The following DDHD1 variants were observed in gnomAD, a reference collection of about 807,000 sequenced individuals.
DDHD1 encodes the protein DDHD domain containing 1.
In DDHD1, 49 loss-of-function variants were observed where a neutral mutation model predicts 96.4. That is an observed-to-expected ratio of 0.51 (90% CI 0.40 to 0.64). DDHD1 has a LOEUF of 0.64. DDHD1 is among the 30% of genes least tolerant of loss of function. The pLI is 0.00. For missense variants in DDHD1, 1,106 were observed against 1,161.2 expected (o/e 0.95, Z 0.69); for synonymous variants, 442 against 446.5 (o/e 0.99, Z 0.13).
At chr14:53,062,531 G>A (rs975443540) in intron 7 of DDHD1, among the ~76,000 whole-genome samples, 2 of 151,698 alleles carry the variant, frequency 1.3e-5, no homozygotes, top group Non-Finnish European at 2.9e-5. Flanking sequence ...AAATATATTT[G>A]CTTAAAAAAA....
At chr14:53,101,425 T>C (rs1353935778) in intron 2 of DDHD1, among the ~76,000 whole-genome samples, 2 of 152,040 alleles carry the variant, frequency 1.3e-5, no homozygotes, top group Admixed American at 6.6e-5. Context: ...TCTTTGCTAA[T>C]AACAGAACAT....
At chr14:53,127,220 T>C (rs1889520979) in intron 1 of DDHD1, among the ~76,000 whole-genome samples, 1 of 152,170 alleles carries the variant, frequency 6.6e-6, no homozygotes, top group Admixed American at 6.5e-5. Context: ...GGTTACAAAA[T>C]AATCCAGGAT....
In DDHD1 at chr14:53,044,174, G is replaced by A. The variant is rs561112010; in HGVS notation, c.*2594C>T. The A allele has an allele frequency of 2.6e-5, 4 of 152,038 alleles. No individual in the cohort carries two copies. Among genetic ancestry groups the A allele is most frequent in the Non-Finnish European group, 5.9e-5 (4 of 68,002 alleles). The allele number at this position is 152,038 out of a possible 1,614,324, so 9.4% of individuals were successfully genotyped here. On this transcript the variant is annotated 3_prime_UTR_variant, in exon 13 of 13. Transcript: ENST00000673822. ...ATAGAAACAAGGATACTACAAAACC[G>A]AAATCACCATCTCTACTGATGAAAA...
chr14:53,083,975 T>C (rs545542441), intron 4 of DDHD1, among the ~76,000 whole-genome samples: 2 of 152,304 alleles, frequency 1.3e-5, no homozygotes, highest in African/African-American at 4.8e-5. Context: ...TTGATTTTTA[T>C]CTGTGAATCT....
rs545779708 is a variant in DDHD1, at chr14:53,152,640, G to T, written c.459C>A (p.Ala153=). The change falls in exon 1 of 13, where the codon GCC becomes GCA. Residue 153 remains alanine (A), a synonymous_variant. Coordinates refer to ENST00000673822, the MANE Select transcript of DDHD1 (RefSeq NM_001160148.2). ...CCGTCACTACCTCATAGCGGTGCCGGGCCGCCGGGCCGCCAAGCCGGGTAC... is the reference window on the plus strand; with the variant it reads ...CCGTCACTACCTCATAGCGGTGCCGTGCCGCCGGGCCGCCAAGCCGGGTAC... ...RKRTRLGGPA[A]RHRYEVVTEL... is the part of the protein sequence containing the mutation. The T allele has an allele frequency of 1.2e-6, 2 of 1,612,980 alleles. No homozygotes were observed. The highest frequency in any genetic ancestry group is 1.7e-6 in the Non-Finnish European group (2 of 1,179,834).
chr14:53,096,357 T>TAAG (rs1425509556), intron 2 of DDHD1: 1 of 199,820 alleles, frequency 5.0e-6, no homozygotes, highest in African/African-American at 2.4e-5. Flanking sequence ...ATATGATTTC[T>TAAG]AAGAATCAGT....
chr14:53,051,458 C>G (rs1882558004), intron 12 of DDHD1, among the ~76,000 whole-genome samples: 1 of 151,860 alleles, frequency 6.6e-6, no homozygotes, highest in Non-Finnish European at 1.5e-5. Flanking sequence ...CCTGAAATAA[C>G]CAAGAATGAT....
chr14:53,088,433 C>G (rs1886159562), intron 4 of DDHD1, among the ~76,000 whole-genome samples: 1 of 152,134 alleles, frequency 6.6e-6, no homozygotes, highest in Non-Finnish European at 1.5e-5. Flanking sequence ...AAAATACTGG[C>G]AAACCAAATC....
intron 2 of DDHD1, chr14:53,096,191 A>G: frequency 2.0e-6 from 2 of 985,208 alleles, no homozygotes; most frequent in Non-Finnish European, 2.4e-6. Flanking sequence ...CAGAGAAGGG[A>G]GGGAGAAGGG....
intron 6 of DDHD1, among the ~76,000 whole-genome samples, chr14:53,069,764 C>T (rs377365239): frequency 1.4e-4 from 21 of 152,212 alleles, no homozygotes; most frequent in African/African-American, 4.6e-4. Flanking sequence ...CTGCCACCCC[C>T]GCCCTGGGTT....
chr14:53,065,366 A>G (rs1883932601), intron 6 of DDHD1, among the ~76,000 whole-genome samples: 1 of 152,172 alleles, frequency 6.6e-6, no homozygotes, highest in South Asian at 2.1e-4. Flanking sequence ...TAATGTCAAG[A>G]TACAGCTAGG....
intron 11 of DDHD1, chr14:53,053,084 C>T (rs921651059): frequency 3.3e-5 from 5 of 152,034 alleles, no homozygotes; most frequent in Admixed American, 2.6e-4. Context: ...GCTCTTCTTG[C>T]TCCCTCCCTC....
At chr14:53,128,813 T>C (rs1175943967) in intron 1 of DDHD1, among the ~76,000 whole-genome samples, 7 of 152,214 alleles carry the variant, frequency 4.6e-5, no homozygotes, top group East Asian at 1.9e-4. Context: ...TCCAGATGGC[T>C]TGAAGCAACT....
intron 1 of DDHD1, among the ~76,000 whole-genome samples, chr14:53,136,544 G>A (rs1440053376): frequency 6.6e-6 from 1 of 152,148 alleles, no homozygotes; most frequent in East Asian, 1.9e-4. Flanking sequence ...CTGAGTACTG[G>A]CTTATGCACA....
chr14:53,054,418 G>A lies in DDHD1; in HGVS notation c.2437+20C>T. The A allele has an allele frequency of 6.2e-7, 1 of 1,607,232 alleles. No homozygotes were observed. The highest frequency in any genetic ancestry group is 1.1e-5 in the South Asian group (1 of 90,550). ...TAAAAAGATACAGTATCAACTTAAG[G>A]AAATAATGTATGAACTAACATGCAG... On this transcript the variant is annotated intron_variant, in intron 11 of 12. Coordinates refer to ENST00000673822, the MANE Select transcript of DDHD1 (RefSeq NM_001160148.2).
intron 8 of DDHD1, 112 bp downstream of exon 8, chr14:53,061,014 T>A: frequency 1.0e-6 from 1 of 998,240 alleles, no homozygotes; most frequent in African/African-American, 1.6e-5. Context: ...GTTGAATAAA[T>A]ATTTATTTTG....
chr14:53,131,553 T>G (rs921738987), intron 1 of DDHD1, among the ~76,000 whole-genome samples: 2 of 152,234 alleles, frequency 1.3e-5, no homozygotes, highest in Admixed American at 6.5e-5. Context: ...CATGCTTTCT[T>G]TATTATTCCT....
chr14:53,097,767 G>C (rs541884494), intron 2 of DDHD1, among the ~76,000 whole-genome samples: 1 of 152,026 alleles, frequency 6.6e-6, no homozygotes, highest in Non-Finnish European at 1.5e-5. Flanking sequence ...CTTTCGGAAA[G>C]CTAGCCAAGA....
intron 4 of DDHD1, among the ~76,000 whole-genome samples, chr14:53,082,635 T>C (rs369933220): frequency 2.2e-4 from 34 of 151,762 alleles, no homozygotes; most frequent in African/African-American, 8.0e-4. Flanking sequence ...GACGTGTGAC[T>C]GTAGTTCCAG....
Sources: allele counts gnomAD v4.1 joint callset (sites outside exome capture counted in the v4.1 genomes callset), GRCh38; gene constraint gnomAD v4.1.1; transcripts MANE v1.5; gene names NCBI Gene and HGNC (gene_info 2026-07-23, HGNC 2026-07-21).